SYNE2: variants seen among roughly 807,000 people sequenced by gnomAD.
SYNE2 encodes spectrin repeat containing nuclear envelope protein 2, also known as nesprin-2.
In SYNE2, 431 loss-of-function variants were observed where a neutral mutation model predicts 856.3. The ratio of observed to expected loss-of-function variants is 0.50; its 90% confidence interval spans 0.47 to 0.55. The LOEUF is 0.55. Ranked by LOEUF, SYNE2 falls within the 20% of genes least tolerant of loss-of-function variation. SYNE2 has a pLI of 0.00. For missense variants in SYNE2, 8,129 were observed against 8,023.2 expected (o/e 1.01, Z -0.50); for synonymous variants, 2,923 against 2,872.3 (o/e 1.02, Z -0.56).
intron 38 of SYNE2, chr14:64,023,777 G>C: frequency 4.7e-6 from 1 of 210,944 alleles, no homozygotes; most frequent in South Asian, 8.5e-5. Context: ...TTAATTCCTT[G>C]CTTTGATGGT....
intron 83 of SYNE2, 101 bp downstream of exon 83, chr14:64,144,049 C>G: frequency 7.2e-7 from 1 of 1,389,002 alleles, no homozygotes; most frequent in Non-Finnish European, 1.0e-6. Context: ...GATTATTAAG[C>G]CTAATAATCA....
chr14:64,120,906 C>A, intron 67 of SYNE2, 21 bp from the exon 68 acceptor site: 1 of 1,613,396 alleles, frequency 6.2e-7, no homozygotes, highest in Non-Finnish European at 8.5e-7. Context: ...AAATAGCCTG[C>A]CATTATGAAA....
rs750736888 is a variant in SYNE2, at chr14:63,983,759, T to TA, written c.2031dup (p.Gln678ThrfsTer7). On this transcript the variant is annotated frameshift_variant, in exon 18 of 116. Coordinates refer to ENST00000555002, the MANE Select transcript of SYNE2 (RefSeq NM_182914.3). LOFTEE classifies it high-confidence loss of function. ...TAGGAAATGAACCTGCCACTGATGATAAAAAAACAGGATCAGCCCACTTTT... is the reference window on the plus strand; with the variant it reads ...TAGGAAATGAACCTGCCACTGATGATAAAAAAAACAGGATCAGCCCACTTTT... 12 of 1,612,694 alleles carry TA rather than the reference T, an allele frequency of 7.4e-6. No individual in the cohort carries two copies. Among genetic ancestry groups the TA allele is most frequent in the Admixed American group, 3.3e-5 (2 of 59,970 alleles).
intron 99 of SYNE2, among the ~76,000 whole-genome samples, chr14:64,200,612 G>T (rs966515802): frequency 6.6e-6 from 1 of 152,200 alleles, no homozygotes; most frequent in African/African-American, 2.4e-5. Context: ...CCTGGATTCT[G>T]TTACTTTCTT....
At chr14:64,025,566 A>G (rs1422362396) in intron 41 of SYNE2, 145 bp downstream of exon 41, 6 of 830,350 alleles carry the variant, frequency 7.2e-6, no homozygotes, top group South Asian at 1.8e-5. Flanking sequence ...TGAGCTTACA[A>G]AAAAGAAGGG....
At chr14:63,882,736 A>T (rs2094894049) in intron 1 of SYNE2, among the ~76,000 whole-genome samples, 1 of 152,110 alleles carries the variant, frequency 6.6e-6, no homozygotes, top group African/African-American at 2.4e-5. Flanking sequence ...AAAAACAAAA[A>T]AACAGTTACT....
At chr14:64,183,021 C>CA (rs1438908160) in intron 96 of SYNE2, among the ~76,000 whole-genome samples, 1 of 148,476 alleles carries the variant, frequency 6.7e-6, no homozygotes, top group African/African-American at 2.5e-5. Context: ...CGGGGGCTGC[C>CA]CCCGCCTCCC....
chr14:64,224,405 T>C, intron 113 of SYNE2, 56 bp from the exon 114 acceptor site: 1 of 1,303,496 alleles, frequency 7.7e-7, no homozygotes, highest in Non-Finnish European at 1.1e-6. Context: ...AGCTATATCA[T>C]GAAGAATATG....
intron 11 of SYNE2, among the ~76,000 whole-genome samples, chr14:63,971,752 A>T (rs113982525): frequency 6.6e-6 from 1 of 152,222 alleles, no homozygotes; most frequent in African/African-American, 2.4e-5. Flanking sequence ...TTACTTTACA[A>T]TACAGGGCTG....
At chr14:63,951,082 T>C (rs576686176) in intron 7 of SYNE2, among the ~76,000 whole-genome samples, 7 of 152,120 alleles carry the variant, frequency 4.6e-5, no homozygotes, top group Non-Finnish European at 1.0e-4. Context: ...TTTTAAGCAG[T>C]GTCTGAGATG....
intron 2 of SYNE2, among the ~76,000 whole-genome samples, chr14:63,910,734 C>A (rs1361420152): frequency 6.6e-6 from 1 of 152,120 alleles, no homozygotes; most frequent in Admixed American, 6.5e-5. Context: ...AATCAGAGTT[C>A]CCACACTGCA....
At chr14:64,027,116 A>G (rs2096986687) in intron 42 of SYNE2, among the ~76,000 whole-genome samples, 1 of 31,696 alleles carries the variant, frequency 3.2e-5, no homozygotes, top group African/African-American at 7.3e-5. Context: ...ATTTTAAGCT[A>G]TAAAAGCATA....
chr14:64,002,686 C>T, intron 29 of SYNE2, 34 bp from the exon 30 acceptor site: 2 of 1,605,302 alleles, frequency 1.2e-6, no homozygotes, highest in Non-Finnish European at 1.7e-6. Context: ...TTTTTTCCAC[C>T]TCAGTGTTTT....
chr14:63,944,329 A>C (rs2095982099), intron 6 of SYNE2, among the ~76,000 whole-genome samples: 1 of 147,924 alleles, frequency 6.8e-6, no homozygotes, highest in East Asian at 2.0e-4. Context: ...TGGAGGCATG[A>C]TGTTTGTTGT....
At chr14:64,013,226 T>A (rs1230017658) in intron 32 of SYNE2, among the ~76,000 whole-genome samples, 1 of 152,176 alleles carries the variant, frequency 6.6e-6, no homozygotes, top group Non-Finnish European at 1.5e-5. Flanking sequence ...GGCAAAAAAA[T>A]TTAGTTTGTT....
intron 66 of SYNE2, among the ~76,000 whole-genome samples, chr14:64,115,273 C>A (rs986503399): frequency 5.3e-5 from 8 of 152,132 alleles, no homozygotes; most frequent in Admixed American, 2.0e-4. Context: ...TTTATTTGGG[C>A]AGCATTTTGG....
chr14:63,942,349 C>G (rs143545174), intron 6 of SYNE2, among the ~76,000 whole-genome samples: 1 of 152,110 alleles, frequency 6.6e-6, no homozygotes, highest in Non-Finnish European at 1.5e-5. Context: ...GATGGAGTCT[C>G]GCTCTGTCGG....
intron 12 of SYNE2, among the ~76,000 whole-genome samples, chr14:63,977,436 G>T (rs1294767045): frequency 2.0e-5 from 3 of 152,034 alleles, no homozygotes; most frequent in African/African-American, 7.2e-5. Context: ...ATGGTCTCAA[G>T]CTCCTGACCT....
intron 2 of SYNE2, among the ~76,000 whole-genome samples, chr14:63,914,584 T>TGCCTGG (rs1162629133): frequency 6.6e-6 from 1 of 152,208 alleles, no homozygotes; most frequent in Non-Finnish European, 1.5e-5. Context: ...GGGTACTGTT[T>TGCCTGG]GCCTGGGCCT....
Sources: gnomAD v4.1 joint callset for allele counts (sites outside exome capture counted in the v4.1 genomes callset) on GRCh38, gnomAD v4.1.1 for gene constraint, MANE v1.5 for transcripts, NCBI Gene and HGNC (gene_info 2026-07-23, HGNC 2026-07-21) for gene names.